FRMD4B: variants seen among roughly 807,000 people sequenced by gnomAD.
The protein encoded by FRMD4B is FERM domain-containing protein 4B.
Under a neutral mutation model 141.5 loss-of-function variants are expected in FRMD4B, and 74 were observed. That is an observed-to-expected ratio of 0.52 (90% CI 0.43 to 0.63). The LOEUF is 0.63. FRMD4B is among the 30% of genes least tolerant of loss of function. The pLI, the probability that FRMD4B is intolerant of heterozygous loss-of-function variation, is 0.00. For missense variants in FRMD4B, 1,366 were observed against 1,253.4 expected, an observed-to-expected ratio of 1.09 and a Z score of -1.36; for synonymous variants, 506 against 467.9, an observed-to-expected ratio of 1.08 and a Z score of -1.05.
rs2092904372 is a variant in FRMD4B, at chr3:69,196,376, C to G, written c.1113G>C (p.Arg371Ser). 6.2e-7 allele frequency: 1 copy of G among 1,609,664 alleles called. No homozygotes were observed. The change falls in exon 14 of 23, where the codon AGG becomes AGC. Residue 371 changes from arginine to serine, a missense_variant. Physicochemically the swap from Arg to Ser is moderately radical, Grantham distance 110 (BLOSUM62 -1). Coordinates refer to ENST00000398540, the MANE Select transcript of FRMD4B (RefSeq NM_015123.3). ...AATCCATTGCAATCTCATCTAAACT[C>G]CTGGCTGAAGGAATTTTTGCCTAAG... ...KQSKAKIPSA[R>S]SLDEIAMDLT...
chr3:69,233,191 G>T (rs1271239366), intron 7 of FRMD4B, among the ~76,000 whole-genome samples: 1 of 152,062 alleles, frequency 6.6e-6, no homozygotes, highest in African/African-American at 2.4e-5. Flanking sequence ...AAGCTGTTTA[G>T]AAAGTTAACT....
At chr3:69,366,892 C>G (rs545748651) in intron 1 of FRMD4B, among the ~76,000 whole-genome samples, 92 of 152,070 alleles carry the variant, frequency 6.0e-4, no homozygotes, top group Non-Finnish European at 5.7e-4. Flanking sequence ...ACCTCAGCCT[C>G]CTGAGTAGCT....
intron 17 of FRMD4B, among the ~76,000 whole-genome samples, chr3:69,190,328 TAAAAC>T (rs2092822148): frequency 6.6e-6 from 1 of 151,992 alleles, no homozygotes; most frequent in Non-Finnish European, 1.5e-5. Context: ...AAATGTTAAA[TAAAAC>T]ACATTTGAAT....
At chr3:69,211,476 A>G (rs1048978016) in intron 11 of FRMD4B, among the ~76,000 whole-genome samples, 1 of 152,204 alleles carries the variant, frequency 6.6e-6, no homozygotes, top group African/African-American at 2.4e-5. Context: ...ATGCCCTGGG[A>G]GGTCAAACAA....
intron 4 of FRMD4B, among the ~76,000 whole-genome samples, chr3:69,301,917 G>C (rs115537843): frequency 0.017 from 2,575 of 152,260 alleles, 28 homozygotes; most frequent in Non-Finnish European, 0.022. Flanking sequence ...AAATTGTACA[G>C]AATTCAATTA....
chr3:69,541,794 C>CCA (rs925072706), intron 1 of FRMD4B, among the ~76,000 whole-genome samples: 2 of 150,848 alleles, frequency 1.3e-5, no homozygotes, highest in African/African-American at 4.9e-5. Context: ...GGATTTCCCC[C>CCA]CCCTCTTTTC....
chr3:69,467,771 T>C (rs1705817945), intron 1 of FRMD4B, among the ~76,000 whole-genome samples: 1 of 152,166 alleles, frequency 6.6e-6, no homozygotes, highest in African/African-American at 2.4e-5. Context: ...CTCCTGATCA[T>C]GACTCGTTTA....
intron 7 of FRMD4B, among the ~76,000 whole-genome samples, chr3:69,243,614 G>C (rs1429496338): frequency 6.6e-6 from 1 of 152,120 alleles, no homozygotes; most frequent in Non-Finnish European, 1.5e-5. Context: ...AGTAGTGTGT[G>C]GTGGAATCAG....
At chr3:69,517,059 G>A (rs2107117206) in intron 1 of FRMD4B, among the ~76,000 whole-genome samples, 1 of 152,224 alleles carries the variant, frequency 6.6e-6, no homozygotes, top group East Asian at 1.9e-4. Flanking sequence ...CTTTACACAT[G>A]AGGCCTTTGA....
rs1281932663 is a variant in FRMD4B, at chr3:69,399,047, G to GA, written c.-1+33586dup. ...CATGGTAAAATTGGATTTAAAGAAA[G>GA]AAAAAAAATTACTTGGAACAAATAA... On this transcript the variant is annotated intron_variant, in intron 2 of 5. Transcript: ENST00000459638. 9.1e-3 allele frequency among the ~76,000 whole-genome samples: 1,383 copies of GA among 151,416 alleles called. 21 individuals are homozygous for GA. Among genetic ancestry groups the GA allele is most frequent in the African/African-American group, 0.031 (1,290 of 41,268 alleles).
In FRMD4B at chr3:69,330,629, G is replaced by A. The variant is rs563637319; in HGVS notation, c.163-17112C>T. On this transcript the variant is annotated intron_variant, in intron 1 of 22. Transcript: ENST00000398540. ...CAAAGTTCTGGGATTACAGACGTGA[G>A]CCACTGTGCCTGGCCGCCTTTTTTT... is the stretch of plus-strand genomic sequence containing the variant. Among the ~76,000 whole-genome samples the A allele has an allele frequency of 2.2e-4, 34 of 151,634 alleles. No homozygotes were observed. The South Asian group carries it at 6.3e-3, about 28-fold the overall frequency.
intron 1 of FRMD4B, among the ~76,000 whole-genome samples, chr3:69,516,704 C>T (rs1347892397): frequency 6.6e-6 from 1 of 152,144 alleles, no homozygotes; most frequent in African/African-American, 2.4e-5. Context: ...CAATCTCTAC[C>T]AGAGAGAAGT....
intron 7 of FRMD4B, among the ~76,000 whole-genome samples, chr3:69,229,793 G>A (rs1186133609): frequency 1.3e-5 from 2 of 151,994 alleles, no homozygotes; most frequent in Non-Finnish European, 2.9e-5. Flanking sequence ...TCCTAAACAA[G>A]GACCCGGGTT....
intron 7 of FRMD4B, among the ~76,000 whole-genome samples, chr3:69,240,026 C>A (rs146427216): frequency 6.6e-6 from 1 of 151,092 alleles, no homozygotes; most frequent in Non-Finnish European, 1.5e-5. Flanking sequence ...TGCACTCCAG[C>A]CTGGGCGACA....
chr3:69,185,548 T>C (rs2092757349), intron 19 of FRMD4B, among the ~76,000 whole-genome samples: 1 of 152,120 alleles, frequency 6.6e-6, no homozygotes, highest in Admixed American at 6.6e-5. Flanking sequence ...TCCTGCCAAG[T>C]TCTAGGCTAC....
intron 11 of FRMD4B, chr3:69,200,490 C>T (rs1174223993): frequency 8.1e-6 from 8 of 991,048 alleles, no homozygotes; most frequent in Non-Finnish European, 9.6e-6. Context: ...CCCTCCCAGA[C>T]GGCAGCTCCG....
chr3:69,316,630 G>A (rs7627492), intron 1 of FRMD4B, among the ~76,000 whole-genome samples: 95,581 of 151,896 alleles, frequency 0.63, 31,938 homozygotes, highest in Non-Finnish European at 0.74. Flanking sequence ...ATAAATAAAT[G>A]TGTCAGTTTA....
At chr3:69,428,271 T>C (rs1705118523) in intron 2 of FRMD4B, among the ~76,000 whole-genome samples, 1 of 151,462 alleles carries the variant, frequency 6.6e-6, no homozygotes, top group Non-Finnish European at 1.5e-5. Flanking sequence ...ACCTGGGGCA[T>C]GTTACATAAC....
chr3:69,340,651 G>A (rs1702709324), intron 1 of FRMD4B, among the ~76,000 whole-genome samples: 1 of 152,190 alleles, frequency 6.6e-6, no homozygotes, highest in Admixed American at 6.5e-5. Context: ...TTCCTGATCT[G>A]CATCATGGAG....
Sources: allele counts gnomAD v4.1 joint callset (sites outside exome capture counted in the v4.1 genomes callset), GRCh38; gene constraint gnomAD v4.1.1; transcripts MANE v1.5; gene names NCBI Gene and HGNC (gene_info 2026-07-23, HGNC 2026-07-21).